Variants in PDZRN4 observed in about 807,000 individuals in gnomAD.
PDZRN4 encodes the protein PDZ domain containing ring finger 4.
Under a neutral mutation model 99.0 loss-of-function variants are expected in PDZRN4, and 70 were observed. The observed-to-expected ratio is 0.71, with a 90% confidence interval of 0.58 to 0.86. The LOEUF is 0.86. PDZRN4 is among the 40% of genes least tolerant of loss of function. The pLI is 0.00. For missense variants in PDZRN4, 1,474 were observed against 1,331.2 expected (o/e 1.11, Z -1.67); for synonymous variants, 551 against 501.6 (o/e 1.10, Z -1.32).
intron 5 of PDZRN4, among the ~76,000 whole-genome samples, chr12:41,531,582 GA>G (rs1250419188): frequency 6.6e-6 from 1 of 152,138 alleles, no homozygotes; most frequent in Non-Finnish European, 1.5e-5. Flanking sequence ...ATTTGGGCAG[GA>G]AAAGAAAAAT....
chr12:41,422,548 G>A (rs1952500644), intron 3 of PDZRN4, among the ~76,000 whole-genome samples: 1 of 152,132 alleles, frequency 6.6e-6, no homozygotes, highest in Non-Finnish European at 1.5e-5. Flanking sequence ...CAATCACATT[G>A]GAAGGTGAAG....
intron 3 of PDZRN4, chr12:41,437,554 A>C: frequency 4.8e-6 from 1 of 207,316 alleles, no homozygotes; most frequent in Non-Finnish European, 9.5e-6. Context: ...TTAATTAGTG[A>C]ATATTCATCT....
intron 3 of PDZRN4, among the ~76,000 whole-genome samples, chr12:41,458,002 G>A (rs930725098): frequency 6.6e-6 from 1 of 152,164 alleles, no homozygotes; most frequent in South Asian, 2.1e-4. Flanking sequence ...AGGGGGAATT[G>A]GACTAAGGGG....
chr12:41,480,791 A>T (rs1168638251), intron 3 of PDZRN4, among the ~76,000 whole-genome samples: 1 of 152,138 alleles, frequency 6.6e-6, no homozygotes, highest in Non-Finnish European at 1.5e-5. Flanking sequence ...ATTCAACTCA[A>T]ATGTGAGTCT....
At chr12:41,400,433 G>T (rs535599965) in intron 3 of PDZRN4, among the ~76,000 whole-genome samples, 1 of 152,270 alleles carries the variant, frequency 6.6e-6, no homozygotes, top group East Asian at 1.9e-4. Context: ...TGTGTTAAGT[G>T]ATTTGCAACA....
At chr12:41,362,118 A>G (rs1409802181) in intron 3 of PDZRN4, among the ~76,000 whole-genome samples, 1 of 152,000 alleles carries the variant, frequency 6.6e-6, no homozygotes, top group Non-Finnish European at 1.5e-5. Flanking sequence ...TCTTGAAGCT[A>G]GTTAAACAGA....
At chr12:41,294,205 G>A (rs2120915416) in intron 3 of PDZRN4, among the ~76,000 whole-genome samples, 1 of 152,260 alleles carries the variant, frequency 6.6e-6, no homozygotes, top group Admixed American at 6.5e-5. Flanking sequence ...GGAGATGCAT[G>A]AACTTTCAAA....
In PDZRN4 at chr12:41,291,987, C is replaced by T. The variant is rs1273339167; in HGVS notation, c.843+97799C>T. On this transcript the variant is annotated intron_variant, in intron 3 of 9. Coordinates refer to ENST00000402685, the MANE Select transcript of PDZRN4 (RefSeq NM_001164595.2). The stretch of plus-strand genomic sequence containing the variant: ...TGGAAATATACTAGCATTGGGAAAA[C>T]AGGCTAAAGGATCTGCATCCACCCA... Among the ~76,000 whole-genome samples the T allele has an allele frequency of 2.6e-5, 4 of 152,114 alleles. No homozygotes were observed. The East Asian group carries it at 7.7e-4, about 29-fold the overall frequency.
chr12:41,365,589 G>T (rs1534277), intron 3 of PDZRN4, among the ~76,000 whole-genome samples: 4 of 151,834 alleles, frequency 2.6e-5, no homozygotes, highest in African/African-American at 9.7e-5. Flanking sequence ...TTGTGTTGAC[G>T]GATAGCAAGT....
chr12:41,300,854 T>C (rs1951531074), intron 3 of PDZRN4, among the ~76,000 whole-genome samples: 1 of 151,884 alleles, frequency 6.6e-6, no homozygotes, highest in Non-Finnish European at 1.5e-5. Context: ...AATAAATATG[T>C]CTTTCTAGAC....
intron 3 of PDZRN4, among the ~76,000 whole-genome samples, chr12:41,289,271 T>C (rs1951440954): frequency 6.6e-6 from 1 of 152,204 alleles, no homozygotes; most frequent in Non-Finnish European, 1.5e-5. Context: ...TTTACTGCAA[T>C]GTAATAGTAT....
chr12:41,243,591 T>A (rs536940765), intron 3 of PDZRN4, among the ~76,000 whole-genome samples: 3 of 151,982 alleles, frequency 2.0e-5, no homozygotes, highest in Non-Finnish European at 4.4e-5. Flanking sequence ...TCTATTGGAG[T>A]CCCTTTCTGT....
intron 3 of PDZRN4, among the ~76,000 whole-genome samples, chr12:41,260,192 T>A (rs1029678525): frequency 1.3e-5 from 2 of 152,170 alleles, no homozygotes; most frequent in African/African-American, 4.8e-5. Flanking sequence ...TTTAGAAAGA[T>A]TTCCTTTTCA....
At chr12:41,383,911 C>G (rs2121106197) in intron 3 of PDZRN4, among the ~76,000 whole-genome samples, 1 of 147,824 alleles carries the variant, frequency 6.8e-6, no homozygotes, top group South Asian at 2.2e-4. Flanking sequence ...ATAATCAGTT[C>G]ATCATGATAC....
At chr12:41,264,845 C>T (rs370105255) in intron 3 of PDZRN4, among the ~76,000 whole-genome samples, 35 of 152,150 alleles carry the variant, frequency 2.3e-4, no homozygotes, top group East Asian at 1.4e-3. Context: ...AGTGAATTAA[C>T]GCTGAAACAG....
At chr12:41,534,780 T>C (rs116315043) in intron 5 of PDZRN4, among the ~76,000 whole-genome samples, 1 of 152,214 alleles carries the variant, frequency 6.6e-6, no homozygotes, top group Non-Finnish European at 1.5e-5. Context: ...CTTTCCACCA[T>C]GTATTTACTG....
intron 3 of PDZRN4, among the ~76,000 whole-genome samples, chr12:41,432,603 C>G (rs1006190918): frequency 6.6e-6 from 1 of 152,164 alleles, no homozygotes; most frequent in African/African-American, 2.4e-5. Flanking sequence ...TAATGTTGCT[C>G]TTACATGTCT....
intron 3 of PDZRN4, among the ~76,000 whole-genome samples, chr12:41,427,553 C>A (rs1034089955): frequency 3.3e-5 from 5 of 152,030 alleles, no homozygotes; most frequent in African/African-American, 1.2e-4. Context: ...AACAAGCATC[C>A]GAATACATGC....
chr12:41,467,376 A>C (rs1300735971), intron 3 of PDZRN4, among the ~76,000 whole-genome samples: 1 of 152,194 alleles, frequency 6.6e-6, no homozygotes, highest in Non-Finnish European at 1.5e-5. Context: ...TGAAATTAAT[A>C]CCCCAGGTGT....
Sources: gnomAD v4.1 joint callset for allele counts (sites outside exome capture counted in the v4.1 genomes callset) on GRCh38, gnomAD v4.1.1 for gene constraint, MANE v1.5 for transcripts, NCBI Gene and HGNC (gene_info 2026-07-23, HGNC 2026-07-21) for gene names.